Variants in CENPW observed in about 807,000 individuals in gnomAD.
CENPW encodes the protein cancer-up-regulated gene 2 protein.
Under a neutral mutation model 11.1 loss-of-function variants are expected in CENPW, and 3 were observed. The observed-to-expected ratio is 0.27, with a 90% CI of 0.12 to 0.70. CENPW has a LOEUF of 0.70. CENPW is among the 30% of genes least tolerant of loss of function. The probability of loss-of-function intolerance (pLI) is 0.77; values close to 1 mark genes in which losing one functional copy is unlikely to be tolerated. For missense variants in CENPW, 100 were observed against 105.6 expected (o/e 0.95, Z 0.23); for synonymous variants, 38 against 42.0 (o/e 0.91, Z 0.37).
the CENPW span, among the ~76,000 whole-genome samples, chr6:126,363,327 T>C: frequency 6.6e-6 from 1 of 152,238 alleles, no homozygotes; most frequent in Non-Finnish European, 1.5e-5. Flanking sequence ...TTTTAAAAAA[T>C]GGAATTACTT....
chr6:126,395,510 A>T, the CENPW span, among the ~76,000 whole-genome samples: 1 of 152,216 alleles, frequency 6.6e-6, no homozygotes, highest in African/African-American at 2.4e-5. Context: ...GAAAGATCAC[A>T]TATCTTTGTC....
At chr6:126,416,841 G>GAGAA in the CENPW span, among the ~76,000 whole-genome samples, 1 of 152,222 alleles carries the variant, frequency 6.6e-6, no homozygotes, top group African/African-American at 2.4e-5. Context: ...GGGTCTCATG[G>GAGAA]AGAACCTCTG....
chr6:126,478,209 G>A, the CENPW span, among the ~76,000 whole-genome samples: 1 of 152,092 alleles, frequency 6.6e-6, no homozygotes, highest in African/African-American at 2.4e-5. Flanking sequence ...TTTGGGAGTT[G>A]AGTTTACCCA....
chr6:126,360,357 T>A, the CENPW span, among the ~76,000 whole-genome samples: 1 of 152,132 alleles, frequency 6.6e-6, no homozygotes, highest in African/African-American at 2.4e-5. Context: ...TGTTTAAGAT[T>A]TTTTTCTTTC....
At chr6:126,464,041 ATATATGT>A in the CENPW span, among the ~76,000 whole-genome samples, 1 of 152,116 alleles carries the variant, frequency 6.6e-6, no homozygotes, top group South Asian at 2.1e-4. Flanking sequence ...AACTATGAAC[ATATATGT>A]TATTGTTATC....
the CENPW span, among the ~76,000 whole-genome samples, chr6:126,439,632 A>G: frequency 6.6e-6 from 1 of 151,584 alleles, no homozygotes; most frequent in African/African-American, 2.4e-5. Flanking sequence ...TTGTACATGA[A>G]TGTTTGTACC....
the CENPW span, among the ~76,000 whole-genome samples, chr6:126,451,257 CTT>C: frequency 6.6e-6 from 1 of 150,914 alleles, no homozygotes; most frequent in Admixed American, 6.6e-5. Context: ...AACTATAAAA[CTT>C]TGACAGAATG....
At chr6:126,468,420 C>CAA in the CENPW span, among the ~76,000 whole-genome samples, 21,529 of 52,010 alleles carry the variant, frequency 0.41, 5,534 homozygotes, top group East Asian at 0.86. Context: ...AACTCTGTCT[C>CAA]AAAAAAAAAA....
At chr6:126,466,077 G>A in the CENPW span, among the ~76,000 whole-genome samples, 2 of 152,070 alleles carry the variant, frequency 1.3e-5, no homozygotes, top group African/African-American at 4.8e-5. Context: ...ATAGTATTCT[G>A]TATATAGTAG....
chr6:126,351,748 CA>C (rs1429011133), downstream of CENPW, among the ~76,000 whole-genome samples: 1 of 151,898 alleles, frequency 6.6e-6, no homozygotes, highest in Non-Finnish European at 1.5e-5. Context: ...GTCTATATCT[CA>C]ACTGTGGGTT....
At chr6:126,349,298 C>G (rs1245887197), downstream of CENPW, among the ~76,000 whole-genome samples, 1 of 152,062 alleles carries the variant, frequency 6.6e-6, no homozygotes, top group Non-Finnish European at 1.5e-5. Flanking sequence ...AATATCAAAA[C>G]CAGGAATTTC....
chr6:126,391,880 A>C, the CENPW span, among the ~76,000 whole-genome samples: 1 of 151,992 alleles, frequency 6.6e-6, no homozygotes, highest in Non-Finnish European at 1.5e-5. Context: ...ATAGCTGTGT[A>C]GCATCATTTG....
At chr6:126,365,200 G>C in the CENPW span, among the ~76,000 whole-genome samples, 1 of 152,260 alleles carries the variant, frequency 6.6e-6, no homozygotes, top group East Asian at 1.9e-4. Flanking sequence ...GGGAGTCAGG[G>C]ATATAATTAA....
the CENPW span, among the ~76,000 whole-genome samples, chr6:126,369,436 A>G: frequency 6.6e-6 from 1 of 152,168 alleles, no homozygotes; most frequent in Non-Finnish European, 1.5e-5. Context: ...ATCCTTGCCA[A>G]CATACATTTT....
the CENPW span, among the ~76,000 whole-genome samples, chr6:126,416,219 T>C: frequency 2.6e-5 from 4 of 152,140 alleles, no homozygotes; most frequent in African/African-American, 9.7e-5. Flanking sequence ...GCTCTAGGGA[T>C]TTATGGAACG....
At chr6:126,426,104 A>G in the CENPW span, among the ~76,000 whole-genome samples, 1 of 152,174 alleles carries the variant, frequency 6.6e-6, no homozygotes, top group Non-Finnish European at 1.5e-5. Context: ...AATAAAACAT[A>G]TAGACACAAC....
the CENPW span, among the ~76,000 whole-genome samples, chr6:126,463,556 A>T: frequency 6.6e-6 from 1 of 152,044 alleles, no homozygotes; most frequent in Non-Finnish European, 1.5e-5. Flanking sequence ...AATAAAATTG[A>T]TAAAGTCAAA....
chr6:126,359,190 G>A, the CENPW span, among the ~76,000 whole-genome samples: 9 of 151,870 alleles, frequency 5.9e-5, no homozygotes, highest in African/African-American at 1.9e-4. Flanking sequence ...GTTCATCCAG[G>A]AGTTATTCAG....
At chr6:126,433,909 A>G in the CENPW span, among the ~76,000 whole-genome samples, 65,524 of 151,834 alleles carry the variant, frequency 0.43, 16,473 homozygotes, top group East Asian at 0.97. Flanking sequence ...ATGCCTTTAT[A>G]TATACATAAT....
Sources: gnomAD v4.1 joint callset for allele counts (sites outside exome capture counted in the v4.1 genomes callset) on GRCh38, gnomAD v4.1.1 for gene constraint, MANE v1.5 for transcripts, NCBI Gene and HGNC (gene_info 2026-07-23, HGNC 2026-07-21) for gene names.